The following ZDHHC11 variants were observed in gnomAD, a reference collection of about 807,000 sequenced individuals.
ZDHHC11 encodes the protein zDHHC palmitoyltransferase 11.
ZDHHC11 carries 44 observed loss-of-function variants against 51.3 expected under a neutral mutation model. That is an observed-to-expected ratio of 0.86 (90% CI 0.67 to 1.10). ZDHHC11 has a LOEUF of 1.10. Ranked by LOEUF, ZDHHC11 falls within the 50% of genes least tolerant of loss-of-function variation. The pLI, the probability that ZDHHC11 is intolerant of heterozygous loss-of-function variation, is 0.00. For missense variants in ZDHHC11, 400 were observed against 537.7 expected, an observed-to-expected ratio of 0.74 and a Z score of 2.53; for synonymous variants, 163 against 222.0, an observed-to-expected ratio of 0.73 and a Z score of 2.36.
At chr5:841,937 C>T (rs1220188807) in intron 4 of ZDHHC11, 82 of 989,944 alleles carry the variant, frequency 8.3e-5, no homozygotes, top group Admixed American at 3.7e-4. Context: ...GCAAACACCA[C>T]ACTCAGCCTG....
rs866976241 is a variant in ZDHHC11, at chr5:856,460, C to T, written c.-1+2414G>A. ...ACATCATACAGATTACACACCACAC[C>T]ACACGAAACACACGAGACCACACAA... On this transcript the variant is annotated intron_variant, in intron 1 of 3. Coordinates refer to the ZDHHC11 transcript ENST00000685990. Among the ~76,000 whole-genome samples, 5 of 150,926 alleles carry T rather than the reference C, an allele frequency of 3.3e-5. No homozygotes were observed. The South Asian group carries it at 1.1e-3, about 32-fold the overall frequency.
chr5:814,596 A>G (rs1320967078), intron 11 of ZDHHC11, among the ~76,000 whole-genome samples, 165 bp downstream of exon 11: 1 of 151,624 alleles, frequency 6.6e-6, no homozygotes, highest in Non-Finnish European at 1.5e-5. Context: ...GATGAGTGCA[A>G]TAAGCCACAT....
chr5:843,964 GC>G (rs1745628562), intron 3 of ZDHHC11, among the ~76,000 whole-genome samples: 1 of 94,028 alleles, frequency 1.1e-5, no homozygotes, highest in Non-Finnish European at 1.8e-5. Flanking sequence ...GGTGGGGGGT[GC>G]AGAGGCAGGG....
chr5:830,073 G>A (rs1481955584), intron 7 of ZDHHC11, among the ~76,000 whole-genome samples: 24 of 141,818 alleles, frequency 1.7e-4, no homozygotes, highest in Non-Finnish European at 3.1e-4. Flanking sequence ...CCTCAGAACT[G>A]GAATAAGACA....
In ZDHHC11 at chr5:847,459, C is replaced by T; in HGVS notation, c.503+55G>A. ...ATGACCCCTGCCCACAGACCCCTCC[C>T]TTCCAAATTCCCCCAAGCCTGGCCC... On this transcript the variant is annotated intron_variant, in intron 3 of 12. Coordinates refer to ENST00000283441, the MANE Select transcript of ZDHHC11 (RefSeq NM_024786.3). The T allele has an allele frequency of 5.3e-6, 8 of 1,522,556 alleles. No individual in the cohort carries two copies. The South Asian group carries it at 8.1e-5, about 15-fold the overall frequency. 94.3% of individuals were successfully genotyped at this position (1,522,556 alleles called of 1,614,324 possible). A position where few individuals can be genotyped will look rare whatever the true frequency, so the allele number is the denominator to read the frequency against.
chr5:851,521 GA>G (rs1201364886), upstream of ZDHHC11, among the ~76,000 whole-genome samples: 1 of 152,228 alleles, frequency 6.6e-6, no homozygotes, highest in Non-Finnish European at 1.5e-5. Flanking sequence ...AAAACCTTCA[GA>G]AAATGAAGTT....
chr5:828,060 G>A (rs558155622), intron 7 of ZDHHC11, among the ~76,000 whole-genome samples: 1 of 151,336 alleles, frequency 6.6e-6, no homozygotes, highest in African/African-American at 2.4e-5. Context: ...TTGGGGGTAA[G>A]GTCATAGATC....
chr5:827,809 G>A (rs1450521875), intron 7 of ZDHHC11, among the ~76,000 whole-genome samples: 1 of 150,394 alleles, frequency 6.6e-6, no homozygotes, highest in Non-Finnish European at 1.5e-5. Flanking sequence ...CAGGGTCATA[G>A]GACAATAGTG....
At chr5:806,305 C>A (rs1466023250) in intron 11 of ZDHHC11, among the ~76,000 whole-genome samples, 1 of 150,900 alleles carries the variant, frequency 6.6e-6, no homozygotes, top group Non-Finnish European at 1.5e-5. Flanking sequence ...GGGGAGAGGG[C>A]CTGCTCAATG....
rs531383257 is a variant in ZDHHC11, at chr5:807,427, AGAT to A, written c.1182-6266_1182-6264del. On this transcript the variant is annotated intron_variant, in intron 11 of 12. Transcript: ENST00000283441. ...ATAGGGGCCCCGTCTCAACAGACAA[AGAT>A]GATGTCAGACTCTGCTTTTGTTGTT... Among the ~76,000 whole-genome samples, 18 of 151,506 alleles carry A rather than the reference AGAT, an allele frequency of 1.2e-4. 2 individuals are homozygous for A. Among genetic ancestry groups the A allele is most frequent in the Middle Eastern group, 6.8e-3 (2 of 294 alleles).
intron 12 of ZDHHC11, among the ~76,000 whole-genome samples, chr5:798,195 C>G (rs1737861039): frequency 6.6e-6 from 1 of 150,878 alleles, no homozygotes; most frequent in Non-Finnish European, 1.5e-5. Context: ...GTGCTCTCAG[C>G]TTGATCTTCC....
chr5:858,620 C>T (rs949281585), intron 1 of ZDHHC11, among the ~76,000 whole-genome samples: 2 of 152,198 alleles, frequency 1.3e-5, no homozygotes, highest in Admixed American at 6.5e-5. Flanking sequence ...GTGTCCTCGT[C>T]CCCCTCTGGG....
rs188870059 is a variant in ZDHHC11 at position 802,052 on chromosome 5, A to G, written c.1182-888T>C. 1.7e-3 allele frequency among the ~76,000 whole-genome samples: 255 copies of G among 151,528 alleles called. 1 individual carries two copies. Among genetic ancestry groups the G allele is most frequent in the African/African-American group, 6.0e-3 (248 of 41,308 alleles). On this transcript the variant is annotated intron_variant, in intron 11 of 12. Transcript: ENST00000283441. ...GGAGCTGATGCAGAAGGCCATGGTC[A>G]GGAGTGTGCTGCAGAACCTGGAAGA...
intron 10 of ZDHHC11, chr5:816,510 G>A (rs1364157817): frequency 9.6e-6 from 5 of 518,830 alleles, no homozygotes; most frequent in Non-Finnish European, 1.9e-5. Context: ...GATCAGCTGT[G>A]AAAAACTCTG....
At chr5:808,646 C>T (rs144577819) in intron 11 of ZDHHC11, among the ~76,000 whole-genome samples, 26,068 of 146,576 alleles carry the variant, frequency 0.18, 1,674 homozygotes, top group East Asian at 0.37. Context: ...AGCGATTCTC[C>T]TGCCTCAGCC....
At chr5:848,745 C>G in intron 1 of ZDHHC11, 85 bp from the exon 2 acceptor site, 1 of 1,550,684 alleles carries the variant, frequency 6.4e-7, no homozygotes, top group Non-Finnish European at 8.7e-7. Flanking sequence ...CCAGAAGAGG[C>G]GTGGCCGCTG....
At chr5:825,574 G>C (rs552383837) in intron 7 of ZDHHC11, among the ~76,000 whole-genome samples, 1 of 152,212 alleles carries the variant, frequency 6.6e-6, no homozygotes, top group Admixed American at 6.5e-5. Context: ...ATGGGAGACA[G>C]GTCTGATATG....
At chr5:815,913 T>C in intron 10 of ZDHHC11, among the ~76,000 whole-genome samples, 1 of 151,582 alleles carries the variant, frequency 6.6e-6, no homozygotes, top group East Asian at 1.9e-4. Flanking sequence ...CTGGCTTATC[T>C]TGTTGATCAT....
chr5:833,088 ATT>A (rs1362154662), intron 7 of ZDHHC11, among the ~76,000 whole-genome samples: 2 of 152,030 alleles, frequency 1.3e-5, no homozygotes. Context: ...AACATTATAT[ATT>A]TTCTTTGAAT....
Sources: allele counts gnomAD v4.1 joint callset (sites outside exome capture counted in the v4.1 genomes callset), GRCh38; gene constraint gnomAD v4.1.1; transcripts MANE v1.5; gene names NCBI Gene and HGNC (gene_info 2026-07-23, HGNC 2026-07-21).